The following KDM2A variants were observed in gnomAD, a reference collection of about 807,000 sequenced individuals.
The protein encoded by KDM2A is lysine demethylase 2A.
In KDM2A, 3 loss-of-function variants were observed where a neutral mutation model predicts 137.3. The observed-to-expected ratio is 0.02, with a 90% CI of 0.01 to 0.06. The LOEUF (loss-of-function observed/expected upper bound fraction) is 0.06, where lower values mean the gene tolerates loss of function less well. KDM2A is among the 10% of genes least tolerant of loss of function. KDM2A has a pLI of 1.00. For missense variants in KDM2A, 738 were observed against 1,510.6 expected (o/e 0.49, Z 8.48); for synonymous variants, 512 against 541.5 (o/e 0.95, Z 0.76).
intron 12 of KDM2A, among the ~76,000 whole-genome samples, chr11:67,242,489 C>T (rs1859075627): frequency 6.6e-6 from 1 of 152,186 alleles, no homozygotes. Flanking sequence ...TGATAATATT[C>T]ACTAACTGGT....
chr11:67,131,645 CGGGTGATCCACTT>C (rs1565370986), intron 2 of KDM2A, among the ~76,000 whole-genome samples: 1 of 152,018 alleles, frequency 6.6e-6, no homozygotes, highest in African/African-American at 2.4e-5. Context: ...CTCCTGACCT[CGGGTGATCCACTT>C]GCCTTGGCCT....
intron 5 of KDM2A, among the ~76,000 whole-genome samples, chr11:67,189,828 G>A (rs1857306185): frequency 6.6e-6 from 1 of 151,988 alleles, no homozygotes; most frequent in Non-Finnish European, 1.5e-5. Context: ...AACAAAGTGA[G>A]ACTCTGTGTC....
At chr11:67,225,248 T>C (rs1858503967) in intron 10 of KDM2A, among the ~76,000 whole-genome samples, 1 of 152,246 alleles carries the variant, frequency 6.6e-6, no homozygotes, top group African/African-American at 2.4e-5. Flanking sequence ...GCATTCTGTT[T>C]TTAGTAGTGG....
chr11:67,208,120 T>C (rs1857866899), intron 6 of KDM2A, among the ~76,000 whole-genome samples: 1 of 150,748 alleles, frequency 6.6e-6, no homozygotes, highest in Admixed American at 6.6e-5. Flanking sequence ...TAAACAAGAC[T>C]ATTTGACAAG....
rs907165050 is a variant in KDM2A, at chr11:67,250,606, A to G, written c.2576A>G (p.Glu859Gly). Residue 859 changes from glutamate (E) to glycine (G), a missense_variant, in exon 17 of 21, where the codon GAA becomes GGA. Around this residue, in one of 9 missense-constraint regions of KDM2A, gnomAD observed 244 missense variants for 324.6 expected, o/e 0.75. Coordinates refer to ENST00000529006, the MANE Select transcript of KDM2A (RefSeq NM_012308.3). The surrounding 1 kb of genome is among the most constrained non-coding windows in gnomAD (Gnocchi z 7.1). ...DEEGLGGEEE[E>G]EEEEEEEDDS... is the part of the protein sequence containing the mutation. ...GAGGGGCTGGGGGGAGAGGAGGAGG[A>G]AGAGGAGGAGGAGGAGGAGGAAGAT... 1 of 1,612,484 alleles carries G rather than the reference A, an allele frequency of 6.2e-7. No individual in the cohort carries two copies. The highest frequency in any genetic ancestry group is 8.5e-7 in the Non-Finnish European group (1 of 1,179,010).
chr11:67,181,905 C>A lies in KDM2A; in HGVS notation c.307+13C>A, dbSNP rs759185120. On this transcript the variant is annotated intron_variant, in intron 5 of 20. Coordinates refer to ENST00000529006, the MANE Select transcript of KDM2A (RefSeq NM_012308.3). ...AAAATGTGTGTGGGTAAGTGTCGAG[C>A]TTTTGGCCTCTGTCTTTAAGGCAAA... 1 of 1,612,732 alleles carries A rather than the reference C, an allele frequency of 6.2e-7. No homozygotes were observed. Among genetic ancestry groups the A allele is most frequent in the South Asian group, 1.1e-5 (1 of 91,048 alleles).
chr11:67,130,784 GC>G (rs1855837527), intron 2 of KDM2A, among the ~76,000 whole-genome samples: 1 of 152,012 alleles, frequency 6.6e-6, no homozygotes, highest in African/African-American at 2.4e-5. Context: ...CAGATAGTAG[GC>G]TAGGTTCTTT....
chr11:67,149,977 C>T (rs974598966), intron 2 of KDM2A, among the ~76,000 whole-genome samples: 3 of 152,164 alleles, frequency 2.0e-5, no homozygotes, highest in Admixed American at 1.3e-4. Flanking sequence ...CCTCCTCAGC[C>T]TCCCAAAGTG....
intron 2 of KDM2A, among the ~76,000 whole-genome samples, chr11:67,154,543 C>T (rs763638555): frequency 2.0e-5 from 3 of 152,132 alleles, no homozygotes; most frequent in African/African-American, 7.2e-5. Context: ...GGCGATTCTC[C>T]TGCCTCAGCC....
intron 2 of KDM2A, among the ~76,000 whole-genome samples, chr11:67,133,147 T>C (rs1356642357): frequency 1.3e-5 from 2 of 152,254 alleles, no homozygotes; most frequent in Admixed American, 6.5e-5. Context: ...TTGGCCAGGC[T>C]GGAGTGTAAT....
At chr11:67,214,368 C>T (rs1858093822) in intron 6 of KDM2A, among the ~76,000 whole-genome samples, 1 of 152,072 alleles carries the variant, frequency 6.6e-6, no homozygotes, top group Non-Finnish European at 1.5e-5. Flanking sequence ...CCACGCCTGG[C>T]TAATTTTTTG....
chr11:67,146,539 C>T (rs1236306515), intron 2 of KDM2A, among the ~76,000 whole-genome samples: 1 of 151,444 alleles, frequency 6.6e-6, no homozygotes, highest in East Asian at 2.0e-4. Flanking sequence ...GACAGGGTCT[C>T]ACTTTGTTAT....
chr11:67,245,301 C>G lies in KDM2A; in HGVS notation c.1676C>G (p.Pro559Arg). Residue 559 changes from proline (P) to arginine (R), a missense_variant, in exon 14 of 21, where the codon CCG (proline) becomes CGG (arginine). By Grantham distance (103) the Pro-to-Arg change is moderately radical (BLOSUM62 -2). Around this residue, in one of 9 missense-constraint regions of KDM2A, gnomAD observed 71 missense variants for 147.9 expected, o/e 0.48. Transcript: ENST00000529006. This position sits in a 1 kb window ranked among gnomAD's most constrained non-coding sequence, Gnocchi z 4.1. ...LTPVRPAAASPIVSGARRRRV... is the reference protein window; with the variant it reads ...LTPVRPAAASRIVSGARRRRV... ...CCTGTGAGGCCAGCTGCTGCCTCCC[C>G]GATTGTGTCAGGAGCCAGACGGAGA... is the stretch of plus-strand genomic sequence containing the variant. 1 of 1,614,026 alleles carries G rather than the reference C, an allele frequency of 6.2e-7. No homozygotes were observed. Among genetic ancestry groups the G allele is most frequent in the Non-Finnish European group, 8.5e-7 (1 of 1,179,906 alleles).
intron 12 of KDM2A, among the ~76,000 whole-genome samples, chr11:67,234,492 T>G (rs1858809734): frequency 1.3e-5 from 2 of 152,188 alleles, no homozygotes; most frequent in African/African-American, 2.4e-5. Flanking sequence ...TAAAAGGGCT[T>G]TTTTTAGGTT....
rs916724001 is a variant in KDM2A, at chr11:67,245,843, C to T, written c.1834-142C>T. The T allele has an allele frequency of 8.9e-5, 86 of 970,824 alleles. No homozygotes were observed. Among genetic ancestry groups the T allele is most frequent in the Non-Finnish European group, 1.1e-4 (71 of 667,118 alleles). The allele number at this position is 970,824 out of a possible 1,614,324, so 60.1% of individuals were successfully genotyped here. On this transcript the variant is annotated intron_variant, in intron 14 of 20. Coordinates refer to ENST00000529006, the MANE Select transcript of KDM2A (RefSeq NM_012308.3). The surrounding 1 kb of genome is among the most constrained non-coding windows in gnomAD (Gnocchi z 4.1). ...AGTCATTTTTCCTACCCAAAACCTC[C>T]GTTCTCTCCACCCTGCCTCCATGCT...
chr11:67,160,050 A>G (rs1039023502), intron 2 of KDM2A, among the ~76,000 whole-genome samples: 4 of 152,164 alleles, frequency 2.6e-5, no homozygotes, highest in African/African-American at 7.2e-5. Flanking sequence ...AGTATATGTC[A>G]CTGTGATGGC....
intron 11 of KDM2A, among the ~76,000 whole-genome samples, chr11:67,228,507 A>G (rs1248120969): frequency 6.6e-6 from 1 of 151,964 alleles, no homozygotes; most frequent in African/African-American, 2.4e-5. Flanking sequence ...CCTGGGAAAC[A>G]TGGCAAAACC....
In KDM2A at chr11:67,251,338, C is replaced by T. The variant is rs1241863169; in HGVS notation, c.2768+540C>T. Among the ~76,000 whole-genome samples the T allele has an allele frequency of 2.0e-5, 3 of 152,214 alleles. No homozygotes were observed. The East Asian group carries it at 5.8e-4, about 29-fold the overall frequency. ...TCCCCCCAAACCTGGATCAGAATTC[C>T]CTCTTCCAGCAAGCAGAGTCCAGTT... On this transcript the variant is annotated intron_variant, in intron 17 of 20. Transcript: ENST00000529006.
At chr11:67,128,271 G>A (rs1380298589) in intron 2 of KDM2A, among the ~76,000 whole-genome samples, 1 of 151,952 alleles carries the variant, frequency 6.6e-6, no homozygotes, top group South Asian at 2.1e-4. Context: ...GGCCTCTCCA[G>A]CCTCCCCAGC....
Sources: allele counts gnomAD v4.1 joint callset (sites outside exome capture counted in the v4.1 genomes callset), GRCh38; gene constraint gnomAD v4.1.1; regional missense constraint gnomAD v4.1.1; non-coding constraint Gnocchi (gnomAD v3.1); transcripts MANE v1.5; gene names NCBI Gene and HGNC (gene_info 2026-07-23, HGNC 2026-07-21).